Variants in MTDH observed in about 807,000 individuals in gnomAD.
MTDH encodes the protein protein LYRIC.
In MTDH, 34 loss-of-function variants were observed where a neutral mutation model predicts 72.7. That is an observed-to-expected ratio of 0.47 (90% CI 0.36 to 0.62). MTDH has a LOEUF of 0.62. MTDH is among the 20% of genes least tolerant of loss of function. MTDH has a pLI of 0.00. For missense variants in MTDH, 677 were observed against 699.4 expected (o/e 0.97, Z 0.36); for synonymous variants, 266 against 268.9 (o/e 0.99, Z 0.10).
chr8:97,653,276 C>T (rs758862309), intron 1 of MTDH, among the ~76,000 whole-genome samples: 3 of 152,064 alleles, frequency 2.0e-5, no homozygotes, highest in Non-Finnish European at 2.9e-5. Flanking sequence ...AAAGGCAAAA[C>T]AATATCCTAA....
Position 97,693,911 on chromosome 8 carries a change from C to T in MTDH, c.1048+2723C>T, listed in dbSNP as rs1378026445. 7.3e-5 allele frequency among the ~76,000 whole-genome samples: 11 copies of T among 151,268 alleles called. No homozygotes were observed. The East Asian group carries it at 7.9e-4, about 11-fold the overall frequency. ...TGGTATTTTTTTGTAGAGACAGTTT[C>T]GCCATGTTGCCCTGGCTGGTCTCAA... is the stretch of plus-strand genomic sequence containing the variant. On this transcript the variant is annotated intron_variant, in intron 6 of 11. Transcript: ENST00000336273.
At chr8:97,679,171 G>A (rs74429609) in intron 2 of MTDH, among the ~76,000 whole-genome samples, 16,801 of 152,036 alleles carry the variant, frequency 0.11, 1,164 homozygotes, top group Non-Finnish European at 0.16. Flanking sequence ...TCTACAAAAT[G>A]GATAGAATAG....
intron 2 of MTDH, among the ~76,000 whole-genome samples, chr8:97,662,558 G>C (rs141342350): frequency 0.028 from 4,308 of 151,844 alleles, 144 homozygotes; most frequent in African/African-American, 0.072. Context: ...GCCCAAGGCA[G>C]GTGGATCGCC....
intron 2 of MTDH, among the ~76,000 whole-genome samples, chr8:97,675,383 A>G (rs1233353170): frequency 6.6e-6 from 1 of 151,924 alleles, no homozygotes; most frequent in African/African-American, 2.4e-5. Context: ...CGACATGGCG[A>G]AACCCAGTCT....
Position 97,683,001 on chromosome 8 carries a change from T to A in MTDH, c.484-3667T>A, listed in dbSNP as rs375947811. ...AGGGTAAAGTGGATCAGAACTGGAA[T>A]TTAGTCCTAGTTTCACCACTTTACC... On this transcript the variant is annotated intron_variant, in intron 2 of 11. Transcript: ENST00000336273. 2.4e-3 allele frequency among the ~76,000 whole-genome samples: 355 copies of A among 150,358 alleles called. 16 individuals are homozygous for A. The South Asian group carries it at 0.073, about 31-fold the overall frequency.
chr8:97,683,045 C>CTTTTTTTTTT lies in MTDH; in HGVS notation c.484-3595_484-3586dup, dbSNP rs71271144. On this transcript the variant is annotated intron_variant, in intron 2 of 11. Transcript: ENST00000336273. ...CTTTACCCTATGATGCTCTTAGACA[C>CTTTTTTTTTT]TTTTTTTTTTTTTTTTTTTTTTTTT... is the stretch of plus-strand genomic sequence containing the variant. 6.8e-4 allele frequency among the ~76,000 whole-genome samples: 30 copies of CTTTTTTTTTT among 44,386 alleles called. 9 individuals carry two copies. The highest frequency in any genetic ancestry group is 1.3e-3 in the Non-Finnish European group (29 of 22,954). The allele number at this position is 44,386 out of a possible 152,430, so 29.1% of individuals were successfully genotyped here.
At chr8:97,705,121 AC>A (rs1258409545) in intron 7 of MTDH, among the ~76,000 whole-genome samples, 1 of 151,858 alleles carries the variant, frequency 6.6e-6, no homozygotes, top group Non-Finnish European at 1.5e-5. Flanking sequence ...ACATGGTGAA[AC>A]CCTGTTTCTA....
chr8:97,712,059 A>G (rs529299996), intron 8 of MTDH, among the ~76,000 whole-genome samples: 1 of 152,298 alleles, frequency 6.6e-6, no homozygotes, highest in South Asian at 2.1e-4. Flanking sequence ...TTTGATTGAG[A>G]TGGAGTCTTG....
In MTDH at chr8:97,653,993, C is replaced by G. The variant is rs139872091; in HGVS notation, c.382-7079C>G. Reference sequence around the variant, plus strand: ...TTGTATTTAGTTTTTCAGAAATCATCTTTGGCATATCTTGGCCATGTGACA... The same window carrying G: ...TTGTATTTAGTTTTTCAGAAATCATGTTTGGCATATCTTGGCCATGTGACA... On this transcript the variant is annotated intron_variant, in intron 1 of 11. Coordinates refer to ENST00000336273, the MANE Select transcript of MTDH (RefSeq NM_178812.4). Among the ~76,000 whole-genome samples the G allele has an allele frequency of 2.6e-3, 389 of 152,262 alleles. 3 individuals are homozygous for G. Among genetic ancestry groups the G allele is most frequent in the African/African-American group, 9.0e-3 (374 of 41,554 alleles).
At chr8:97,669,577 A>G (rs1812529916) in intron 2 of MTDH, among the ~76,000 whole-genome samples, 2 of 147,404 alleles carry the variant, frequency 1.4e-5, no homozygotes, top group Admixed American at 1.4e-4. Context: ...TTTCTGCTAT[A>G]ATATCAAGGA....
At chr8:97,646,229 G>A (rs1324044451) in intron 1 of MTDH, among the ~76,000 whole-genome samples, 4 of 152,140 alleles carry the variant, frequency 2.6e-5, no homozygotes, top group Non-Finnish European at 4.4e-5. Flanking sequence ...CACAGTTAGT[G>A]CATTATGAGG....
Position 97,724,632 on chromosome 8 carries a change from C to A in MTDH, c.1711C>A (p.Gln571Lys), listed in dbSNP as rs1208421345. 6.3e-7 allele frequency: 1 copy of A among 1,592,180 alleles called. No homozygotes were observed. Among genetic ancestry groups the A allele is most frequent in the Non-Finnish European group, 8.5e-7 (1 of 1,174,918 alleles). ...TGAAACTAGCTGGGAATCTCCCAAACAAATAAAAAAGAAGAAAAAAGCCAG... is the reference window on the plus strand; with the variant it reads ...TGAAACTAGCTGGGAATCTCCCAAAAAAATAAAAAAGAAGAAAAAAGCCAG... ...KSETSWESPK[Q>K]IKKKKKARRE... Residue 571 changes from glutamine (Q) to lysine (K), a missense_variant, in exon 12 of 12, where the codon CAA (glutamine) becomes AAA (lysine). Gln to Lys is a moderately conservative substitution (Grantham distance 53, BLOSUM62 1). Coordinates refer to ENST00000336273, the MANE Select transcript of MTDH (RefSeq NM_178812.4).
At chr8:97,710,727 C>G (rs1325227407) in intron 8 of MTDH, among the ~76,000 whole-genome samples, 3 of 136,010 alleles carry the variant, frequency 2.2e-5, no homozygotes, top group African/African-American at 8.5e-5. Flanking sequence ...AGGCCGGGCG[C>G]GGTGGTTCAC....
At chr8:97,705,255 C>T (rs1030687914) in intron 7 of MTDH, among the ~76,000 whole-genome samples, 1 of 150,882 alleles carries the variant, frequency 6.6e-6, no homozygotes, top group African/African-American at 2.4e-5. Flanking sequence ...CGAGATCGTG[C>T]CACTGCACTC....
chr8:97,657,816 C>T (rs1429716960), intron 1 of MTDH, among the ~76,000 whole-genome samples: 1 of 152,142 alleles, frequency 6.6e-6, no homozygotes, highest in Non-Finnish European at 1.5e-5. Flanking sequence ...ACCAACAACA[C>T]TTTCATGTAA....
intron 7 of MTDH, among the ~76,000 whole-genome samples, chr8:97,704,872 A>C (rs939134954): frequency 6.6e-6 from 1 of 152,252 alleles, no homozygotes; most frequent in African/African-American, 2.4e-5. Flanking sequence ...TAGGAGTACT[A>C]AATAAGAGTA....
intron 2 of MTDH, among the ~76,000 whole-genome samples, chr8:97,672,968 G>C (rs1812691177): frequency 6.6e-6 from 1 of 152,076 alleles, no homozygotes; most frequent in Non-Finnish European, 1.5e-5. Flanking sequence ...TACAAATATA[G>C]TAGCTCAGAG....
intron 8 of MTDH, among the ~76,000 whole-genome samples, chr8:97,710,083 G>A (rs1814557714): frequency 6.6e-6 from 1 of 152,284 alleles, no homozygotes; most frequent in East Asian, 1.9e-4. Flanking sequence ...GAAACAGCTT[G>A]TGGTGAAAAC....
rs1811462488 is a variant in MTDH, at chr8:97,644,232, GC to G, written c.-273del. 1 of 477,522 alleles carries G rather than the reference GC, an allele frequency of 2.1e-6. No individual in the cohort carries two copies. Among genetic ancestry groups the G allele is most frequent in the African/African-American group, 2.1e-5 (1 of 48,404 alleles). The allele number at this position is 477,522 out of a possible 1,614,324, so 29.6% of individuals were successfully genotyped here. A position where few individuals can be genotyped will look rare whatever the true frequency, so the allele number is the denominator to read the frequency against. On this transcript the variant is annotated 5_prime_UTR_variant, in exon 1 of 12. Coordinates refer to ENST00000336273, the MANE Select transcript of MTDH (RefSeq NM_178812.4). ...GAGGACAGCGGGGCCTGGCGCTGGC[GC>G]CGAGACGCCGCTTAGCGGCCGCCAC...
Sources: allele counts gnomAD v4.1 joint callset (sites outside exome capture counted in the v4.1 genomes callset), GRCh38; gene constraint gnomAD v4.1.1; transcripts MANE v1.5; gene names NCBI Gene and HGNC (gene_info 2026-07-23, HGNC 2026-07-21).